The following UBN2 variants were observed in gnomAD, a reference collection of about 807,000 sequenced individuals.
The protein encoded by UBN2 is ubinuclein 2, also known as ubinuclein-2.
A neutral mutation model predicts 120.2 loss-of-function variants in UBN2; 35 were observed. The observed-to-expected ratio is 0.29, with a 90% CI of 0.22 to 0.39. The LOEUF (loss-of-function observed/expected upper bound fraction) is 0.39, where lower values mean the gene tolerates loss of function less well. Ranked by LOEUF, UBN2 falls within the 10% of genes least tolerant of loss-of-function variation. The probability of loss-of-function intolerance (pLI) is 1.00; values close to 1 mark genes in which losing one functional copy is unlikely to be tolerated. For synonymous variants in UBN2, 661 were observed against 648.7 expected, an observed-to-expected ratio of 1.02 and a Z score of -0.29; for missense variants, 1,693 against 1,663.2, an observed-to-expected ratio of 1.02 and a Z score of -0.31.
chr7:139,310,838 G>C (rs576875410), downstream of UBN2, among the ~76,000 whole-genome samples: 85 of 152,258 alleles, frequency 5.6e-4, no homozygotes, highest in Non-Finnish European at 8.7e-4. Flanking sequence ...CAGTTATCTT[G>C]GAGGTTATTT....
At chr7:139,312,046 A>T (rs899543077), downstream of UBN2, among the ~76,000 whole-genome samples, 1 of 152,160 alleles carries the variant, frequency 6.6e-6, no homozygotes, top group Admixed American at 6.5e-5. Flanking sequence ...ATAATTTCTT[A>T]CTTTGTACTC....
chr7:139,265,339 G>A (rs151003242), intron 6 of UBN2, among the ~76,000 whole-genome samples: 141 of 152,112 alleles, frequency 9.3e-4, no homozygotes, highest in African/African-American at 3.2e-3. Context: ...TTAGCCAGGC[G>A]TGGTGACACA....
At chr7:139,326,134 T>C in the UBN2 span, among the ~76,000 whole-genome samples, 1 of 152,162 alleles carries the variant, frequency 6.6e-6, no homozygotes, top group African/African-American at 2.4e-5. Context: ...TGTGTACCTG[T>C]AGTCCCAGTT....
chr7:139,316,732 T>G, the UBN2 span, among the ~76,000 whole-genome samples: 3 of 151,852 alleles, frequency 2.0e-5, no homozygotes, highest in African/African-American at 7.3e-5. Context: ...ACGACAAGAG[T>G]GAAACTCTGT....
At chr7:139,275,798 C>T (rs1206786452) in intron 11 of UBN2, among the ~76,000 whole-genome samples, 1 of 151,766 alleles carries the variant, frequency 6.6e-6, no homozygotes, top group African/African-American at 2.4e-5. Flanking sequence ...CATAGTGAGA[C>T]CCCTGACTCT....
chr7:139,297,461 G>T (rs564596619), intron 17 of UBN2, among the ~76,000 whole-genome samples: 5 of 152,076 alleles, frequency 3.3e-5, no homozygotes, highest in Non-Finnish European at 5.9e-5. Context: ...GGTAGGAATT[G>T]TGTCTTCTGG....
chr7:139,275,845 C>T (rs1050021597), intron 11 of UBN2, among the ~76,000 whole-genome samples: 1 of 152,092 alleles, frequency 6.6e-6, no homozygotes, highest in Admixed American at 6.5e-5. Flanking sequence ...CATGGTGGCA[C>T]ACACCTGTAA....
the UBN2 span, among the ~76,000 whole-genome samples, chr7:139,318,710 A>G: frequency 6.6e-6 from 1 of 152,152 alleles, no homozygotes; most frequent in Non-Finnish European, 1.5e-5. Context: ...GGATTTAAAG[A>G]AATCCTTCTT....
chr7:139,280,906 A>G (rs1479492369), intron 13 of UBN2, among the ~76,000 whole-genome samples: 2 of 152,180 alleles, frequency 1.3e-5, no homozygotes, highest in Admixed American at 6.5e-5. Context: ...GGCCTCCCAA[A>G]GTGTTGGGAT....
chr7:139,283,990 T>C lies in UBN2; in HGVS notation c.3085T>C (p.Ser1029Pro). 1.2e-6 allele frequency: 2 copies of C among 1,613,784 alleles called. No individual in the cohort carries two copies. The highest frequency in any genetic ancestry group is 2.2e-5 in the South Asian group (2 of 91,028). Reference protein sequence around the residue: ...VSQISTQGFKSPFSMAASPKL... With the variant: ...VSQISTQGFKPPFSMAASPKL... ...ACAGATCTCCACGCAGGGTTTCAAA[T>C]CTCCCTTCTCGATGGCTGCCTCCCC... Residue 1029 changes from serine to proline, a missense_variant, in exon 15 of 18, where the codon TCT (serine) becomes CCT (proline). Transcript: ENST00000473989.
Position 139,283,145 on chromosome 7 carries a change from A to G in UBN2, c.2240A>G (p.Gln747Arg), listed in dbSNP as rs754654226. 2.0e-5 allele frequency: 33 copies of G among 1,612,250 alleles called. No homozygotes were observed. Among genetic ancestry groups the G allele is most frequent in the Non-Finnish European group, 2.8e-5 (33 of 1,179,790 alleles). ...GCTAGCTCTAGCTCTGCACCAGCCC[A>G]AGAAACCATCTGCCTCGACGACTCA... is the stretch of plus-strand genomic sequence containing the variant. The part of the protein sequence containing the change: ...AAASSSSAPA[Q>R]ETICLDDSLD... Residue 747 changes from glutamine (Q) to arginine (R), a missense_variant, in exon 15 of 18, where the codon CAA (glutamine) becomes CGA (arginine). Coordinates refer to ENST00000473989, the MANE Select transcript of UBN2 (RefSeq NM_173569.4).
Position 139,283,036 on chromosome 7 carries a change from A to T in UBN2, c.2131A>T (p.Lys711Ter). The T allele has an allele frequency of 6.3e-7, 1 of 1,595,048 alleles. No homozygotes were observed. Among genetic ancestry groups the T allele is most frequent in the Non-Finnish European group, 8.5e-7 (1 of 1,172,546 alleles). ...FPTMLKECSP[K>*]KDQKTPTSLV... is the part of the protein sequence containing the mutation. ...TGCTTTACATTAGGAGTGTAGTCCA[A>T]AAAAGGACCAGAAAACTCCAACATC... Residue 711 changes from lysine to a stop codon, truncating the protein, a stop_gained, in exon 15 of 18, where the codon AAA becomes TAA. Transcript: ENST00000473989. LOFTEE classifies it high-confidence loss of function.
chr7:139,322,862 G>C, the UBN2 span, among the ~76,000 whole-genome samples: 10 of 152,024 alleles, frequency 6.6e-5, no homozygotes, highest in Non-Finnish European at 1.5e-4. Flanking sequence ...AACCAAAGAG[G>C]AAAATTGTCC....
chr7:139,260,332 A>C (rs181331697), intron 5 of UBN2, among the ~76,000 whole-genome samples: 1 of 151,812 alleles, frequency 6.6e-6, no homozygotes, highest in Non-Finnish European at 1.5e-5. Flanking sequence ...TCCTGGGCTC[A>C]AGTGATTCAC....
At chr7:139,278,844 CAA>C (rs1797521516) in intron 12 of UBN2, among the ~76,000 whole-genome samples, 1 of 151,908 alleles carries the variant, frequency 6.6e-6, no homozygotes, top group South Asian at 2.1e-4. Context: ...CTTAGTTTTC[CAA>C]AAGTTTCAAG....
Position 139,231,881 on chromosome 7 carries a change from C to T in UBN2, c.397C>T (p.Leu133Phe). ...PRETVRLELV[L>F]KDPTDESCVE... ...GGAGACGGTGCGCCTGGAGCTGGTG[C>T]TTAAGGACCCCACCGACGAGAGCTG... The change falls in exon 1 of 18, where the codon CTT becomes TTT. Residue 133 changes from leucine to phenylalanine, a missense_variant. This residue lies in a region of UBN2 where 663 missense variants were observed against 591.2 expected (regional missense o/e 1.12). Transcript: ENST00000473989. 6.3e-7 allele frequency: 1 copy of T among 1,581,546 alleles called. No homozygotes were observed. Among genetic ancestry groups the T allele is most frequent in the Non-Finnish European group, 8.5e-7 (1 of 1,169,732 alleles).
At chr7:139,269,689 C>T (rs977829947) in intron 8 of UBN2, among the ~76,000 whole-genome samples, 166 bp downstream of exon 8, 10 of 152,118 alleles carry the variant, frequency 6.6e-5, no homozygotes, top group Admixed American at 1.3e-4. Flanking sequence ...AAAATAATTG[C>T]GTCTTCAACA....
intron 3 of UBN2, among the ~76,000 whole-genome samples, chr7:139,256,791 G>A (rs996642054): frequency 5.3e-5 from 8 of 151,904 alleles, no homozygotes; most frequent in African/African-American, 1.5e-4. Flanking sequence ...TTCTAGTAGT[G>A]TATCAAGTAG....
downstream of UBN2, among the ~76,000 whole-genome samples, chr7:139,308,754 T>C (rs1353547896): frequency 6.6e-6 from 1 of 152,134 alleles, no homozygotes; most frequent in Non-Finnish European, 1.5e-5. Context: ...GTGGGAATCA[T>C]ACAAAAATAA....
Sources: allele counts gnomAD v4.1 joint callset (sites outside exome capture counted in the v4.1 genomes callset), GRCh38; gene constraint gnomAD v4.1.1; regional missense constraint gnomAD v4.1.1; transcripts MANE v1.5; gene names NCBI Gene and HGNC (gene_info 2026-07-23, HGNC 2026-07-21).